Variants in RANBP2 observed in about 807,000 individuals in gnomAD.
The protein encoded by RANBP2 is E3 SUMO-protein ligase RanBP2.
RANBP2 carries 57 observed loss-of-function variants against 303.6 expected under a neutral mutation model. That is an observed-to-expected ratio of 0.19 (90% CI 0.15 to 0.23). The LOEUF is 0.23. RANBP2 is among the 10% of genes least tolerant of loss of function. The pLI, the probability that RANBP2 is intolerant of heterozygous loss-of-function variation, is 1.00. For missense variants in RANBP2, 3,138 were observed against 3,780.8 expected, an observed-to-expected ratio of 0.83 and a Z score of 4.46; for synonymous variants, 1,167 against 1,301.5, an observed-to-expected ratio of 0.90 and a Z score of 2.23.
chr2:109,435,780 T>G, the RANBP2 span, among the ~76,000 whole-genome samples: 359 of 152,366 alleles, frequency 2.4e-3, no homozygotes, highest in Non-Finnish European at 4.2e-3. Flanking sequence ...TTTTTAAAAA[T>G]GATTTCCTCG....
Position 108,768,055 on chromosome 2 carries a change from A to C in RANBP2, c.7516A>C (p.Lys2506Gln). Residue 2506 changes from lysine to glutamine, a missense_variant, in exon 20 of 29, where the codon AAA (lysine) becomes CAA (glutamine). Physicochemically the swap from Lys to Gln is moderately conservative, Grantham distance 53 (BLOSUM62 1). This residue lies in a region of RANBP2 where 497 missense variants were observed against 465.8 expected (regional missense o/e 1.07). Transcript: ENST00000283195. Reference sequence around the variant, plus strand: ...GTCTAGCACATCTGAAACAACACCAAAAGCAGTGGTTTCTCCTCCAAAGTT... The same window carrying C: ...GTCTAGCACATCTGAAACAACACCACAAGCAGTGGTTTCTCCTCCAAAGTT... Reference protein sequence around the residue: ...EVSSTSETTPKAVVSPPKFVF... With the variant: ...EVSSTSETTPQAVVSPPKFVF... 6.2e-7 allele frequency: 1 copy of C among 1,611,716 alleles called. No individual in the cohort carries two copies. Among genetic ancestry groups the C allele is most frequent in the Non-Finnish European group, 8.5e-7 (1 of 1,179,758 alleles).
chr2:109,374,513 G>A, the RANBP2 span, among the ~76,000 whole-genome samples: 1 of 152,194 alleles, frequency 6.6e-6, no homozygotes, highest in Non-Finnish European at 1.5e-5. Flanking sequence ...GGCATTTGAG[G>A]TGGGAACTTG....
the RANBP2 span, among the ~76,000 whole-genome samples, chr2:109,733,466 A>G: frequency 2.0e-5 from 3 of 152,196 alleles, no homozygotes; most frequent in South Asian, 4.1e-4. Flanking sequence ...TACAGCTAAC[A>G]TTATATTCAA....
chr2:109,171,979 T>A, the RANBP2 span, among the ~76,000 whole-genome samples: 1 of 152,270 alleles, frequency 6.6e-6, no homozygotes, highest in East Asian at 1.9e-4. Context: ...TCAGCGTGAT[T>A]CTCAGCTGAG....
the RANBP2 span, chr2:109,614,639 C>T: frequency 4.8e-6 from 7 of 1,465,006 alleles, no homozygotes; most frequent in South Asian, 5.2e-5. Flanking sequence ...AGCAGCGCGC[C>T]CGCGCCCGCG....
At chr2:109,716,447 T>A in the RANBP2 span, among the ~76,000 whole-genome samples, 1 of 152,108 alleles carries the variant, frequency 6.6e-6, no homozygotes, top group South Asian at 2.1e-4. Flanking sequence ...AGACCGGGTT[T>A]CACCATCTTG....
the RANBP2 span, among the ~76,000 whole-genome samples, chr2:109,424,226 A>G: frequency 6.6e-6 from 1 of 152,088 alleles, no homozygotes; most frequent in South Asian, 2.1e-4. Context: ...GAGTTTCCCC[A>G]TTGGAAGTGA....
At chr2:108,886,964 T>G in the RANBP2 span, among the ~76,000 whole-genome samples, 6 of 152,230 alleles carry the variant, frequency 3.9e-5, no homozygotes, top group Non-Finnish European at 5.9e-5. Flanking sequence ...ATAAATTCTT[T>G]CCCTGAGAGT....
the RANBP2 span, among the ~76,000 whole-genome samples, chr2:109,370,084 A>C: frequency 6.6e-6 from 1 of 152,148 alleles, no homozygotes; most frequent in African/African-American, 2.4e-5. Context: ...GGGGCGTTCC[A>C]TGATGCACCT....
At chr2:109,517,562 T>G in the RANBP2 span, among the ~76,000 whole-genome samples, 1 of 152,316 alleles carries the variant, frequency 6.6e-6, no homozygotes, top group South Asian at 2.1e-4. Flanking sequence ...GGCTGCACTC[T>G]GACGTTGGAA....
intron 8 of RANBP2, among the ~76,000 whole-genome samples, chr2:108,748,110 T>C (rs867385420): frequency 3.9e-5 from 6 of 152,206 alleles, no homozygotes; most frequent in Admixed American, 2.6e-4. Context: ...ATCTGTGTTA[T>C]AGCATGTATC....
chr2:109,764,012 C>T, the RANBP2 span, among the ~76,000 whole-genome samples: 194 of 144,120 alleles, frequency 1.3e-3, no homozygotes, highest in Non-Finnish European at 2.5e-3. Flanking sequence ...CCTTCTTGCA[C>T]GCTCTTCCTG....
chr2:109,574,419 T>A, the RANBP2 span, among the ~76,000 whole-genome samples: 1 of 130,248 alleles, frequency 7.7e-6, no homozygotes, highest in Admixed American at 9.7e-5. Context: ...ACCTCCAGCC[T>A]GGGTGACAGA....
rs367848853 is a variant in RANBP2 at position 108,763,973 on chromosome 2, C to A, written c.3434C>A (p.Pro1145His). 8 of 1,613,804 alleles carry A rather than the reference C, an allele frequency of 5.0e-6. No homozygotes were observed. In the African/African-American group the frequency reaches 9.3e-5, roughly 19 times the overall value. ...HGPGKSVFGT[P>H]TLETANKNHE... The stretch of plus-strand genomic sequence containing the variant: ...CCAGGGAAATCAGTATTTGGAACAC[C>A]CACTTTAGAGACAGCAAACAAGAAT... The change falls in exon 20 of 29, where the codon CCC becomes CAC. Residue 1145 changes from proline to histidine, a missense_variant. This residue lies in a region of RANBP2 where 403 missense variants were observed against 376.7 expected (regional missense o/e 1.07). Coordinates refer to ENST00000283195, the MANE Select transcript of RANBP2 (RefSeq NM_006267.5).
chr2:109,632,926 A>C, the RANBP2 span, among the ~76,000 whole-genome samples: 1 of 151,972 alleles, frequency 6.6e-6, no homozygotes, highest in Non-Finnish European at 1.5e-5. Flanking sequence ...TCAGTTCCCA[A>C]CTCTTACCAG....
chr2:108,728,371 G>A (rs2149094246), intron 1 of RANBP2, among the ~76,000 whole-genome samples: 1 of 152,212 alleles, frequency 6.6e-6, no homozygotes, highest in East Asian at 1.9e-4. Flanking sequence ...ATAACTCACG[G>A]CAGTGTCAAC....
Position 108,766,335 on chromosome 2 carries a change from T to G in RANBP2, c.5796T>G (p.Asn1932Lys), listed in dbSNP as rs745799715. 7.4e-5 allele frequency: 119 copies of G among 1,611,842 alleles called. No homozygotes were observed. Among genetic ancestry groups the G allele is most frequent in the Non-Finnish European group, 9.7e-5 (114 of 1,179,830 alleles). The change falls in exon 20 of 29, where the codon AAT becomes AAG. Residue 1932 changes from asparagine to lysine, a missense_variant. Around this residue, in one of 20 missense-constraint regions of RANBP2, gnomAD observed 348 missense variants for 360.4 expected, o/e 0.97. Coordinates refer to ENST00000283195, the MANE Select transcript of RANBP2 (RefSeq NM_006267.5). ...FQAQDISGQK[N>K]GRGVIFGQTS... ...CTCAGGATATTAGTGGCCAGAAGAA[T>G]GGCCGTGGTGTGATTTTTGGCCAAA...
At chr2:109,601,940 G>A in the RANBP2 span, among the ~76,000 whole-genome samples, 8 of 152,120 alleles carry the variant, frequency 5.3e-5, no homozygotes, top group Non-Finnish European at 1.0e-4. Flanking sequence ...TATTCAGTCC[G>A]TCATATGGAA....
At chr2:109,657,712 GAGTTTTTTTTTTTT>G in the RANBP2 span, among the ~76,000 whole-genome samples, 4 of 130,196 alleles carry the variant, frequency 3.1e-5, no homozygotes, top group Non-Finnish European at 4.8e-5. Flanking sequence ...TGAATTAGCT[GAGTTTTTTTTTTTT>G]TTTTTTTTTT....
Sources: allele counts gnomAD v4.1 joint callset (sites outside exome capture counted in the v4.1 genomes callset), GRCh38; gene constraint gnomAD v4.1.1; regional missense constraint gnomAD v4.1.1; transcripts MANE v1.5; gene names NCBI Gene and HGNC (gene_info 2026-07-23, HGNC 2026-07-21).